INSL6: variants seen among roughly 807,000 people sequenced by gnomAD.
INSL6 encodes insulin like 6.
In INSL6, 16 loss-of-function variants were observed where a neutral mutation model predicts 9.4. The observed-to-expected ratio is 1.70, with a 90% CI of 1.15 to 2.59. The LOEUF is 2.59. Ranked by LOEUF, INSL6 falls within the 30% of genes most tolerant of loss-of-function variation. INSL6 has a pLI of 0.00. For missense variants in INSL6, 391 were observed against 257.3 expected, an observed-to-expected ratio of 1.52 and a Z score of -3.56; for synonymous variants, 154 against 96.9, an observed-to-expected ratio of 1.59 and a Z score of -3.46.
At chr9:5,102,850 AT>A in the INSL6 span, among the ~76,000 whole-genome samples, 1 of 152,168 alleles carries the variant, frequency 6.6e-6, no homozygotes. Context: ...ATGCTGAGAG[AT>A]TTTGTCATTA....
chr9:5,071,042 C>T, the INSL6 span, among the ~76,000 whole-genome samples: 27 of 152,232 alleles, frequency 1.8e-4, no homozygotes, highest in African/African-American at 6.0e-4. Context: ...TTTTTAACTG[C>T]GCTTCTGGTG....
chr9:5,128,975 C>CTTGT (rs575746584), intron 3 of INSL6, among the ~76,000 whole-genome samples: 8 of 151,884 alleles, frequency 5.3e-5, no homozygotes, highest in Non-Finnish European at 1.2e-4. Context: ...TCCATGGGTA[C>CTTGT]TTGTTTGGAA....
At chr9:5,074,528 G>A in the INSL6 span, among the ~76,000 whole-genome samples, 1 of 152,048 alleles carries the variant, frequency 6.6e-6, no homozygotes, top group African/African-American at 2.4e-5. Context: ...AATTATTCTG[G>A]GGTGTCCCAA....
At chr9:5,073,645 T>C in the INSL6 span, 2 of 1,318,176 alleles carry the variant, frequency 1.5e-6, no homozygotes, top group Non-Finnish European at 2.2e-6. Context: ...TTTTCTGAAC[T>C]ATTTATGGAC....
chr9:5,079,721 C>G, the INSL6 span, among the ~76,000 whole-genome samples: 6 of 151,912 alleles, frequency 3.9e-5, no homozygotes, highest in African/African-American at 1.5e-4. Flanking sequence ...CTTCCTAAAG[C>G]GCTTGGGTGG....
the INSL6 span, among the ~76,000 whole-genome samples, chr9:5,044,878 A>T: frequency 6.6e-6 from 1 of 152,196 alleles, no homozygotes; most frequent in South Asian, 2.1e-4. Context: ...TTTTAAAAAA[A>T]TTTTTGGACA....
At chr9:5,137,089 T>C (rs948121774) in intron 2 of INSL6, among the ~76,000 whole-genome samples, 2 of 152,130 alleles carry the variant, frequency 1.3e-5, no homozygotes, top group African/African-American at 4.8e-5. Flanking sequence ...CAAGGAGAAC[T>C]ACAAACCACT....
At chr9:5,009,540 C>T in the INSL6 span, among the ~76,000 whole-genome samples, 45 of 151,916 alleles carry the variant, frequency 3.0e-4, no homozygotes, top group Admixed American at 7.9e-4. Context: ...CTGAGAATAC[C>T]GAGAAAGATT....
chr9:5,077,868 G>A, the INSL6 span, among the ~76,000 whole-genome samples: 1 of 152,312 alleles, frequency 6.6e-6, no homozygotes, highest in Admixed American at 6.5e-5. Context: ...TTATGCAGAA[G>A]TATGTGCTTC....
chr9:5,179,238 G>A (rs1225936205), intron 1 of INSL6, among the ~76,000 whole-genome samples: 1 of 152,088 alleles, frequency 6.6e-6, no homozygotes, highest in Admixed American at 6.5e-5. Context: ...AGACATATAT[G>A]TGGCCAACAA....
intron 2 of INSL6, among the ~76,000 whole-genome samples, chr9:5,157,585 C>G (rs975752158): frequency 2.6e-5 from 4 of 152,164 alleles, no homozygotes; most frequent in Non-Finnish European, 5.9e-5. Flanking sequence ...AAATGTATCA[C>G]AGACCTAATA....
the INSL6 span, chr9:5,110,389 A>C: frequency 6.6e-6 from 1 of 152,320 alleles, no homozygotes; most frequent in African/African-American, 2.4e-5. Flanking sequence ...ACCTCAAGTC[A>C]GCTGGGCCTT....
Position 5,133,539 on chromosome 9 carries a change from G to GT in INSL6, c.429dup (p.Pro144ThrfsTer59), listed in dbSNP as rs779176515. 6.5e-6 allele frequency: 1 copy of GT among 154,200 alleles called. No homozygotes were observed. Among genetic ancestry groups the GT allele is most frequent in the Non-Finnish European group, 1.4e-5 (1 of 69,894 alleles). 9.6% of individuals were successfully genotyped at this position (154,200 alleles called of 1,614,324 possible). A position where few individuals can be genotyped will look rare whatever the true frequency, so the allele number is the denominator to read the frequency against. The stretch of plus-strand genomic sequence containing the variant: ...CTTTGCTGTTCTGCAGCCTCTGCTG[G>GT]TGATACCCAGGCAAACAGCATCTGG... On this transcript the variant is annotated frameshift_variant, in exon 3 of 4. Coordinates refer to the INSL6 transcript ENST00000649639. LOFTEE classifies it high-confidence loss of function.
the INSL6 span, among the ~76,000 whole-genome samples, chr9:5,047,159 A>G: frequency 1.3e-5 from 2 of 152,338 alleles, no homozygotes; most frequent in Admixed American, 1.3e-4. Context: ...AAAATATGAT[A>G]GTATTTAGAT....
intron 3 of INSL6, chr9:5,127,101 C>A: frequency 7.6e-6 from 2 of 264,510 alleles, no homozygotes; most frequent in Non-Finnish European, 1.4e-5. Flanking sequence ...CTTTTTGAGA[C>A]CTGAAAAAAT....
the INSL6 span, chr9:5,108,201 A>G: frequency 6.6e-6 from 1 of 152,104 alleles, no homozygotes; most frequent in African/African-American, 2.4e-5. Flanking sequence ...AAAAAGCTCT[A>G]TATTTCTATA....
the INSL6 span, among the ~76,000 whole-genome samples, chr9:5,055,063 GT>G: frequency 3.3e-5 from 5 of 151,830 alleles, no homozygotes; most frequent in South Asian, 8.3e-4. Flanking sequence ...TTCTTAAATG[GT>G]TTTTTCATTT....
At chr9:5,009,611 C>A in the INSL6 span, among the ~76,000 whole-genome samples, 1 of 151,976 alleles carries the variant, frequency 6.6e-6, no homozygotes, top group Non-Finnish European at 1.5e-5. Flanking sequence ...TTTTCTGGTC[C>A]ATTTTGGTCT....
At chr9:5,084,145 G>A in the INSL6 span, among the ~76,000 whole-genome samples, 2 of 152,054 alleles carry the variant, frequency 1.3e-5, no homozygotes, top group Non-Finnish European at 2.9e-5. Flanking sequence ...TAAGGAAGGC[G>A]TTTTCAAAAT....
Sources: allele counts gnomAD v4.1 joint callset (sites outside exome capture counted in the v4.1 genomes callset), GRCh38; gene constraint gnomAD v4.1.1; transcripts MANE v1.5; gene names NCBI Gene and HGNC (gene_info 2026-07-23, HGNC 2026-07-21).